The following ATRNL1 variants were observed in gnomAD, a reference collection of about 807,000 sequenced individuals.
ATRNL1 encodes the protein attractin-like protein 1.
A neutral mutation model predicts 182.7 loss-of-function variants in ATRNL1; 95 were observed. The ratio of observed to expected loss-of-function variants is 0.52; its 90% CI spans 0.44 to 0.62. The LOEUF is 0.62. Ranked by LOEUF, ATRNL1 falls within the 20% of genes least tolerant of loss-of-function variation. The pLI is 0.00. For synonymous variants in ATRNL1, 576 were observed against 568.3 expected (o/e 1.01, Z -0.19); for missense variants, 1,471 against 1,679.5 (o/e 0.88, Z 2.17).
intron 26 of ATRNL1, among the ~76,000 whole-genome samples, chr10:115,703,342 T>C (rs1022614332): frequency 1.3e-5 from 2 of 151,894 alleles, no homozygotes; most frequent in Non-Finnish European, 2.9e-5. Flanking sequence ...TTCTGGACAC[T>C]GACCTTGGGA....
intron 20 of ATRNL1, among the ~76,000 whole-genome samples, chr10:115,403,163 C>G (rs181374305): frequency 6.6e-6 from 1 of 151,578 alleles, no homozygotes; most frequent in African/African-American, 2.4e-5. Flanking sequence ...AAAGTTGTGC[C>G]TTCTTTTCTA....
At chr10:115,445,295 G>C (rs1214599674) in intron 21 of ATRNL1, among the ~76,000 whole-genome samples, 2 of 151,128 alleles carry the variant, frequency 1.3e-5, no homozygotes, top group Non-Finnish European at 1.5e-5. Context: ...AGCAGGATGT[G>C]GGGGCACACG....
intron 26 of ATRNL1, among the ~76,000 whole-genome samples, chr10:115,646,032 A>T (rs560932794): frequency 4.4e-3 from 157 of 36,010 alleles, no homozygotes; most frequent in African/African-American, 9.1e-3. Flanking sequence ...AAAATTTTAA[A>T]ATTTACACAC....
intron 20 of ATRNL1, among the ~76,000 whole-genome samples, chr10:115,422,761 A>G (rs1255265003): frequency 6.6e-6 from 1 of 152,188 alleles, no homozygotes; most frequent in Non-Finnish European, 1.5e-5. Context: ...GTGAACTAAC[A>G]CTGAAGGAGA....
At chr10:115,917,001 A>G (rs1952876420) in intron 28 of ATRNL1, among the ~76,000 whole-genome samples, 1 of 152,194 alleles carries the variant, frequency 6.6e-6, no homozygotes, top group Non-Finnish European at 1.5e-5. Context: ...CTTTTGCAAT[A>G]CAAGTGAAGA....
chr10:115,444,522 A>G (rs781341345), intron 21 of ATRNL1, among the ~76,000 whole-genome samples: 11 of 152,020 alleles, frequency 7.2e-5, no homozygotes, highest in Non-Finnish European at 1.5e-4. Context: ...TTTTCTTTTT[A>G]AAAATATTCA....
intron 24 of ATRNL1, among the ~76,000 whole-genome samples, chr10:115,480,687 C>G (rs1848725390): frequency 6.6e-6 from 1 of 150,918 alleles, no homozygotes; most frequent in South Asian, 2.1e-4. Flanking sequence ...TACAAATGTT[C>G]TCAAAATTCT....
intron 26 of ATRNL1, among the ~76,000 whole-genome samples, chr10:115,652,729 A>C (rs1208086796): frequency 6.6e-6 from 1 of 152,082 alleles, no homozygotes; most frequent in Non-Finnish European, 1.5e-5. Flanking sequence ...TTAAGAGAAC[A>C]TTATATATTA....
chr10:115,099,457 G>C (rs2085105614), intron 1 of ATRNL1, among the ~76,000 whole-genome samples: 1 of 152,154 alleles, frequency 6.6e-6, no homozygotes, highest in Non-Finnish European at 1.5e-5. Flanking sequence ...AATAACCTGA[G>C]AATGGCTGGA....
At chr10:115,510,029 CT>C (rs1230835859) in intron 24 of ATRNL1, among the ~76,000 whole-genome samples, 2 of 151,908 alleles carry the variant, frequency 1.3e-5, no homozygotes, top group Non-Finnish European at 2.9e-5. Context: ...AGTAACTGCA[CT>C]TGTGGTAGAG....
At chr10:115,322,611 G>T (rs1015312482) in intron 18 of ATRNL1, among the ~76,000 whole-genome samples, 1 of 151,860 alleles carries the variant, frequency 6.6e-6, no homozygotes, top group African/African-American at 2.4e-5. Flanking sequence ...TTTTTGCATG[G>T]AGTTGAACTA....
chr10:115,565,776 G>T (rs1034243063), intron 26 of ATRNL1, among the ~76,000 whole-genome samples: 10 of 151,970 alleles, frequency 6.6e-5, no homozygotes, highest in African/African-American at 2.2e-4. Context: ...TTTACCATTT[G>T]ATTATTTTTA....
intron 26 of ATRNL1, among the ~76,000 whole-genome samples, chr10:115,697,344 G>T (rs1049776309): frequency 6.6e-6 from 1 of 152,142 alleles, no homozygotes; most frequent in African/African-American, 2.4e-5. Flanking sequence ...AGCATGTTTT[G>T]TATTTTTTTG....
intron 24 of ATRNL1, among the ~76,000 whole-genome samples, chr10:115,476,851 C>T (rs1177653584): frequency 6.6e-6 from 1 of 151,414 alleles, no homozygotes; most frequent in African/African-American, 2.4e-5. Flanking sequence ...TCTTTTCTTA[C>T]AACTGGCATA....
intron 25 of ATRNL1, among the ~76,000 whole-genome samples, chr10:115,533,862 C>T (rs1369147851): frequency 6.6e-5 from 10 of 150,768 alleles, no homozygotes; most frequent in South Asian, 6.4e-4. Context: ...TCGTTATGTA[C>T]CCAGTAGTCA....
In ATRNL1 at chr10:115,548,407, C is replaced by T. The variant is rs1020756638; in HGVS notation, c.3717-1051C>T. ...AAGAGTGGAAAGTGTCAAAAATTGC[C>T]ACTGCTTATGAGTGACTTAAGTGAT... On this transcript the variant is annotated intron_variant, in intron 25 of 28. Coordinates refer to ENST00000355044, the MANE Select transcript of ATRNL1 (RefSeq NM_207303.4). Among the ~76,000 whole-genome samples the T allele has an allele frequency of 2.0e-5, 3 of 152,222 alleles. No homozygotes were observed. The East Asian group carries it at 5.8e-4, about 29-fold the overall frequency.
intron 28 of ATRNL1, among the ~76,000 whole-genome samples, chr10:115,883,290 A>G (rs782461425): frequency 6.6e-5 from 10 of 152,226 alleles, no homozygotes; most frequent in Non-Finnish European, 1.2e-4. Flanking sequence ...CCTGTCCTCA[A>G]TAAAACTCTC....
At chr10:115,500,650 C>T (rs1174082854) in intron 24 of ATRNL1, among the ~76,000 whole-genome samples, 2 of 151,168 alleles carry the variant, frequency 1.3e-5, no homozygotes, top group African/African-American at 4.9e-5. Context: ...TCAAGCAATT[C>T]CCAGCCCCAG....
At chr10:115,569,663 A>T (rs1037963450) in intron 26 of ATRNL1, among the ~76,000 whole-genome samples, 19 of 152,102 alleles carry the variant, frequency 1.2e-4, no homozygotes, top group Admixed American at 3.9e-4. Flanking sequence ...TTAGATTGTT[A>T]ATCTTTTTAT....
Sources: allele counts gnomAD v4.1 joint callset (sites outside exome capture counted in the v4.1 genomes callset), GRCh38; gene constraint gnomAD v4.1.1; transcripts MANE v1.5; gene names NCBI Gene and HGNC (gene_info 2026-07-23, HGNC 2026-07-21).